SBF2: variants seen among roughly 807,000 people sequenced by gnomAD.
SBF2 encodes the protein myotubularin-related protein 13.
In SBF2, 112 loss-of-function variants were observed where a neutral mutation model predicts 225.2. The ratio of observed to expected loss-of-function variants is 0.50; its 90% CI spans 0.43 to 0.58. SBF2 has a LOEUF of 0.58. Among genes scored for constraint, SBF2 ranks in the 20% least tolerant of loss-of-function variants. The pLI, the probability that SBF2 is intolerant of heterozygous loss-of-function variation, is 0.00. For synonymous variants in SBF2, 763 were observed against 773.3 expected (o/e 0.99, Z 0.22); for missense variants, 1,996 against 2,206.2 (o/e 0.90, Z 1.91).
rs11042530 is a variant in SBF2 at position 9,889,129 on chromosome 11, G to T, written c.1929+6814C>A. ...GCTGGGGGAATACCTAGAGTCTGATGGTGGCAGGAAGGTCACCACTTAGCT... is the reference window on the plus strand; with the variant it reads ...GCTGGGGGAATACCTAGAGTCTGATTGTGGCAGGAAGGTCACCACTTAGCT... On this transcript the variant is annotated intron_variant, in intron 17 of 39. Transcript: ENST00000256190. 3.9e-3 allele frequency among the ~76,000 whole-genome samples: 594 copies of T among 152,214 alleles called. 21 individuals carry two copies. In the East Asian group the frequency reaches 0.076, roughly 19 times the overall value.
intron 1 of SBF2, among the ~76,000 whole-genome samples, chr11:10,242,782 A>AT (rs138493632): frequency 0.022 from 3,369 of 152,292 alleles, 115 homozygotes; most frequent in African/African-American, 0.069. Context: ...GGAAAACTGA[A>AT]TACAGGAAAA....
At chr11:9,945,034 G>T (rs1447652361) in intron 16 of SBF2, among the ~76,000 whole-genome samples, 1 of 152,298 alleles carries the variant, frequency 6.6e-6, no homozygotes. Flanking sequence ...GAGCCCAGGA[G>T]GTTGAGGATG....
At chr11:9,863,743 TCC>T (rs1694257158) in intron 17 of SBF2, among the ~76,000 whole-genome samples, 1 of 145,918 alleles carries the variant, frequency 6.9e-6, no homozygotes, top group Admixed American at 7.1e-5. Flanking sequence ...GCTTTGTCCC[TCC>T]CTCTCTCTCT....
At chr11:9,924,365 T>C (rs1201363772) in intron 16 of SBF2, among the ~76,000 whole-genome samples, 1 of 152,210 alleles carries the variant, frequency 6.6e-6, no homozygotes, top group Non-Finnish European at 1.5e-5. Flanking sequence ...TCTGAGCATG[T>C]TTAAAGTATG....
intron 2 of SBF2, among the ~76,000 whole-genome samples, chr11:10,120,679 G>A (rs1953395776): frequency 3.3e-5 from 5 of 152,084 alleles, no homozygotes. Context: ...GGAGTGCAGT[G>A]GCGTGATCTC....
chr11:10,102,149 T>C (rs1952335883), intron 2 of SBF2, among the ~76,000 whole-genome samples: 1 of 152,228 alleles, frequency 6.6e-6, no homozygotes, highest in African/African-American at 2.4e-5. Context: ...GGTATCAGAT[T>C]TGCTAAATGC....
At chr11:9,829,283 T>C (rs908454986) in intron 28 of SBF2, 73 bp downstream of exon 28, 14 of 1,511,914 alleles carry the variant, frequency 9.3e-6, no homozygotes, top group African/African-American at 4.1e-5. Flanking sequence ...CAAATAACAG[T>C]ACAAATAACC....
intron 2 of SBF2, among the ~76,000 whole-genome samples, chr11:10,190,736 T>C (rs1287742738): frequency 6.6e-6 from 1 of 152,212 alleles, no homozygotes; most frequent in Non-Finnish European, 1.5e-5. Context: ...TGAGCCCATG[T>C]GTGTTCTCAG....
intron 29 of SBF2, 87 bp from the exon 30 acceptor site, chr11:9,812,795 A>G (rs1389745690): frequency 1.4e-5 from 20 of 1,413,906 alleles, no homozygotes; most frequent in Non-Finnish European, 1.8e-5. Flanking sequence ...ATAATGACAA[A>G]GTTATTTGGG....
At chr11:9,825,910 C>A (rs1364707361) in intron 28 of SBF2, among the ~76,000 whole-genome samples, 1 of 152,214 alleles carries the variant, frequency 6.6e-6, no homozygotes, top group Non-Finnish European at 1.5e-5. Flanking sequence ...GATGAACAGA[C>A]TGATCTTTTT....
intron 16 of SBF2, among the ~76,000 whole-genome samples, chr11:9,924,148 T>C (rs991037206): frequency 2.6e-5 from 4 of 152,208 alleles, no homozygotes; most frequent in African/African-American, 7.2e-5. Flanking sequence ...CCTAGACTTA[T>C]GATGGTTTGA....
At chr11:10,177,563 G>A (rs1270130830) in intron 2 of SBF2, among the ~76,000 whole-genome samples, 3 of 148,524 alleles carry the variant, frequency 2.0e-5, no homozygotes, top group Non-Finnish European at 4.5e-5. Flanking sequence ...CAAACAGAGA[G>A]CCAAATCATG....
chr11:10,294,069 TGGCCGCCGCCGCCGCGCTCGGGAAGCG>T lies in SBF2; in HGVS notation c.-27_-1del. On this transcript the variant is annotated 5_prime_UTR_variant, in exon 1 of 40. Transcript: ENST00000256190. ...ATGAAGTAGTCAGCCAGCCGGGCCA[TGGCCGCCGCCGCCGCGCTCGGGAAGCG>T]GGTCCCCGTCGCCGCCCTCGCCGCC... The T allele has an allele frequency of 7.3e-7, 1 of 1,378,188 alleles. No homozygotes were observed. The highest frequency in any genetic ancestry group is 9.4e-7 in the Non-Finnish European group (1 of 1,062,840). 85.4% of individuals were successfully genotyped at this position (1,378,188 alleles called of 1,614,324 possible).
chr11:9,976,049 A>ATAT (rs1565084260), intron 13 of SBF2, among the ~76,000 whole-genome samples: 1 of 147,334 alleles, frequency 6.8e-6, no homozygotes, highest in East Asian at 1.9e-4. Context: ...TATAAATCTC[A>ATAT]TATTCTTCTT....
At chr11:10,124,662 T>C (rs1205762750) in intron 2 of SBF2, among the ~76,000 whole-genome samples, 1 of 152,234 alleles carries the variant, frequency 6.6e-6, no homozygotes, top group East Asian at 1.9e-4. Flanking sequence ...TTTCCTGACA[T>C]TTAATTTATT....
chr11:9,932,873 A>G (rs985176739), intron 16 of SBF2, among the ~76,000 whole-genome samples: 8 of 146,404 alleles, frequency 5.5e-5, no homozygotes, highest in Non-Finnish European at 9.0e-5. Context: ...GGTGTGCTCT[A>G]TTCAGGAGAC....
chr11:9,887,446 T>A (rs532919068), intron 17 of SBF2, among the ~76,000 whole-genome samples: 1 of 151,812 alleles, frequency 6.6e-6, no homozygotes, highest in Non-Finnish European at 1.5e-5. Flanking sequence ...AGCAGTAGGA[T>A]AGAGGAACAG....
chr11:10,047,267 A>G (rs1308451175), intron 2 of SBF2, among the ~76,000 whole-genome samples: 1 of 152,170 alleles, frequency 6.6e-6, no homozygotes, highest in Admixed American at 6.5e-5. Context: ...ATATTAACAA[A>G]ATGATCCTAA....
intron 2 of SBF2, among the ~76,000 whole-genome samples, chr11:10,076,343 C>T (rs922828520): frequency 2.6e-5 from 4 of 152,182 alleles, no homozygotes; most frequent in East Asian, 1.9e-4. Flanking sequence ...GGGGGCTGCA[C>T]GAAAACCAGC....
Sources: allele counts gnomAD v4.1 joint callset (sites outside exome capture counted in the v4.1 genomes callset), GRCh38; gene constraint gnomAD v4.1.1; transcripts MANE v1.5; gene names NCBI Gene and HGNC (gene_info 2026-07-23, HGNC 2026-07-21).